Variants in COL24A1 observed in about 807,000 individuals in gnomAD.
COL24A1 encodes collagen alpha-1(XXIV) chain.
In COL24A1, 224 loss-of-function variants were observed where a neutral mutation model predicts 253.9. The observed-to-expected ratio is 0.88, with a 90% confidence interval of 0.79 to 0.99. The LOEUF is 0.99. COL24A1 is among the 50% of genes least tolerant of loss of function. The pLI is 0.00. For missense variants in COL24A1, 2,131 were observed against 2,068.5 expected, an observed-to-expected ratio of 1.03 and a Z score of -0.59; for synonymous variants, 685 against 673.7, an observed-to-expected ratio of 1.02 and a Z score of -0.26.
chr1:86,139,946 A>T (rs997830938), intron 2 of COL24A1, among the ~76,000 whole-genome samples: 2 of 152,206 alleles, frequency 1.3e-5, no homozygotes, highest in Non-Finnish European at 2.9e-5. Flanking sequence ...TCAAGACTCA[A>T]ATACAGCTTC....
intron 55 of COL24A1, among the ~76,000 whole-genome samples, chr1:85,748,096 T>TA (rs1397802756): frequency 1.3e-5 from 2 of 152,224 alleles, no homozygotes; most frequent in African/African-American, 4.8e-5. Flanking sequence ...CAGTGATAAA[T>TA]ACATGTTTTC....
rs965678230 is a variant in COL24A1, at chr1:86,092,293, G to A, written c.1627C>T (p.Pro543Ser). ...KGPKGDPGFSPGQPVPGEKGD... is the reference protein window; with the variant it reads ...KGPKGDPGFSSGQPVPGEKGD... ...TTTTCTCCAGGAACAGGTTGACCTG[G>A]GGAAAATCCTGGATCTCCTTTGGGG... The change falls in exon 6 of 60, where the codon CCA becomes TCA. Residue 543 changes from proline to serine, a missense_variant. Physicochemically the swap from Pro to Ser is moderately conservative, Grantham distance 74. Coordinates refer to ENST00000370571, the MANE Select transcript of COL24A1 (RefSeq NM_152890.7). The A allele has an allele frequency of 3.7e-6, 6 of 1,605,114 alleles. No homozygotes were observed. In the African/African-American group the frequency reaches 6.7e-5, roughly 18 times the overall value.
intron 19 of COL24A1, among the ~76,000 whole-genome samples, chr1:86,000,851 G>A (rs1474456182): frequency 1.3e-5 from 2 of 152,138 alleles, no homozygotes; most frequent in Non-Finnish European, 2.9e-5. Flanking sequence ...TGTAGCCCAG[G>A]GGGCTTAATA....
chr1:85,807,749 G>A (rs772881405), intron 47 of COL24A1, among the ~76,000 whole-genome samples: 1 of 152,134 alleles, frequency 6.6e-6, no homozygotes, highest in Non-Finnish European at 1.5e-5. Flanking sequence ...ACTGCAATGT[G>A]GTCAGAGATG....
chr1:85,893,647 T>A (rs1683362830), intron 31 of COL24A1, among the ~76,000 whole-genome samples: 1 of 152,164 alleles, frequency 6.6e-6, no homozygotes, highest in South Asian at 2.1e-4. Flanking sequence ...GAAACAGTGT[T>A]GGTCCACGGA....
chr1:85,911,268 G>T, intron 25 of COL24A1, 112 bp downstream of exon 25: 1 of 803,264 alleles, frequency 1.2e-6, no homozygotes, highest in Non-Finnish European at 2.1e-6. Flanking sequence ...TATAGGTAAT[G>T]TGCTAAAGTT....
At chr1:85,988,034 T>C (rs572637173) in intron 19 of COL24A1, among the ~76,000 whole-genome samples, 70 of 151,890 alleles carry the variant, frequency 4.6e-4, no homozygotes, top group African/African-American at 1.6e-3. Flanking sequence ...TTGGACTCAC[T>C]ATTTACTAAC....
At chr1:85,795,528 C>T (rs1039815542) in intron 47 of COL24A1, among the ~76,000 whole-genome samples, 10 of 152,124 alleles carry the variant, frequency 6.6e-5, no homozygotes, top group African/African-American at 2.4e-4. Flanking sequence ...AGTGAAATTA[C>T]AAATATTTCG....
In COL24A1 at chr1:85,908,619, A is replaced by G; in HGVS notation, c.2703T>C (p.Pro901=). 2 of 1,486,168 alleles carry G rather than the reference A, an allele frequency of 1.3e-6. No individual in the cohort carries two copies. The highest frequency in any genetic ancestry group is 1.4e-5 in the South Asian group (1 of 71,410). The allele number at this position is 1,486,168 out of a possible 1,614,324, so 92.1% of individuals were successfully genotyped here. A position where few individuals can be genotyped will look rare whatever the true frequency, so the allele number is the denominator to read the frequency against. Residue 901 remains proline, a synonymous_variant, in exon 27 of 60, where the codon CCT becomes CCC. Coordinates refer to ENST00000370571, the MANE Select transcript of COL24A1 (RefSeq NM_152890.7). ...TTACAGGTAATCCCAATGGACCGAT[A>G]GGTCCTGGAACCCCAGGAGGACCTG... ...GYPGPPGVPG[P]IGPLGLPGHV...
At chr1:85,771,440 T>G (rs1667947222) in intron 53 of COL24A1, among the ~76,000 whole-genome samples, 1 of 152,206 alleles carries the variant, frequency 6.6e-6, no homozygotes, top group African/African-American at 2.4e-5. Flanking sequence ...TTCATCCTTT[T>G]TTATGGCTGC....
chr1:85,817,109 T>C (rs537798076), intron 46 of COL24A1, among the ~76,000 whole-genome samples: 81 of 152,276 alleles, frequency 5.3e-4, no homozygotes, highest in Middle Eastern at 6.8e-3. Flanking sequence ...CAAACAAAAA[T>C]GCCAAGCTGA....
chr1:86,097,642 TTCCTCCTCC>T (rs1168175690), intron 5 of COL24A1, among the ~76,000 whole-genome samples: 1 of 123,120 alleles, frequency 8.1e-6, no homozygotes, highest in Non-Finnish European at 1.7e-5. Context: ...ATTCTTATTC[TTCCTCCTCC>T]TCCTCCTCCC....
chr1:85,798,921 A>G (rs973811058), intron 47 of COL24A1, among the ~76,000 whole-genome samples: 2 of 152,196 alleles, frequency 1.3e-5, no homozygotes, highest in African/African-American at 4.8e-5. Context: ...CCTTTTGGTG[A>G]TAAATGGATT....
At chr1:86,143,208 A>T (rs1356748044) in intron 2 of COL24A1, among the ~76,000 whole-genome samples, 2 of 152,170 alleles carry the variant, frequency 1.3e-5, no homozygotes, top group African/African-American at 4.8e-5. Context: ...AAATGACATA[A>T]GACTTCCAAG....
intron 2 of COL24A1, among the ~76,000 whole-genome samples, chr1:86,142,016 G>T (rs1226614380): frequency 6.6e-6 from 1 of 151,898 alleles, no homozygotes; most frequent in African/African-American, 2.4e-5. Context: ...ACTTTTAAAT[G>T]ATAACAGAAA....
intron 7 of COL24A1, among the ~76,000 whole-genome samples, chr1:86,085,890 A>T (rs1703024832): frequency 6.6e-6 from 1 of 152,168 alleles, no homozygotes; most frequent in Non-Finnish European, 1.5e-5. Flanking sequence ...AAAGAAGCAA[A>T]CCAAAAAATC....
chr1:86,040,618 T>C (rs899154243), intron 12 of COL24A1, among the ~76,000 whole-genome samples: 7 of 152,026 alleles, frequency 4.6e-5, no homozygotes, highest in Non-Finnish European at 7.4e-5. Context: ...GTTCATTGGG[T>C]GTCCTTCTTC....
chr1:86,151,044 G>T (rs1021497451), intron 1 of COL24A1, among the ~76,000 whole-genome samples: 1 of 151,572 alleles, frequency 6.6e-6, no homozygotes, highest in Non-Finnish European at 1.5e-5. Context: ...ATATATAGGT[G>T]TGTGTGTGTG....
chr1:85,968,574 T>C (rs945168754), intron 22 of COL24A1, among the ~76,000 whole-genome samples: 2 of 152,188 alleles, frequency 1.3e-5, no homozygotes, highest in African/African-American at 4.8e-5. Flanking sequence ...ATATCAATTG[T>C]TCTCTACTTA....
Sources: allele counts gnomAD v4.1 joint callset (sites outside exome capture counted in the v4.1 genomes callset), GRCh38; gene constraint gnomAD v4.1.1; transcripts MANE v1.5; gene names NCBI Gene and HGNC (gene_info 2026-07-23, HGNC 2026-07-21).